The following SUGCT variants were observed in gnomAD, a reference collection of about 807,000 sequenced individuals.
SUGCT encodes the protein succinyl-CoA:glutarate CoA-transferase.
In SUGCT, 41 loss-of-function variants were observed where a neutral mutation model predicts 55.0. The ratio of observed to expected loss-of-function variants is 0.74; its 90% confidence interval spans 0.58 to 0.97. The LOEUF is 0.97. SUGCT is among the 50% of genes least tolerant of loss of function. The probability of loss-of-function intolerance (pLI) is 0.00; values close to 1 mark genes in which losing one functional copy is unlikely to be tolerated. For synonymous variants in SUGCT, 187 were observed against 200.4 expected, an observed-to-expected ratio of 0.93 and a Z score of 0.56; for missense variants, 568 against 547.8, an observed-to-expected ratio of 1.04 and a Z score of -0.37.
the SUGCT span, among the ~76,000 whole-genome samples, chr7:40,999,271 A>T: frequency 4.3e-4 from 65 of 152,052 alleles, no homozygotes; most frequent in African/African-American, 1.5e-3. Flanking sequence ...AAGCAAGACC[A>T]ACCATCACTG....
At chr7:40,255,680 A>G (rs1005324734) in intron 7 of SUGCT, among the ~76,000 whole-genome samples, 1 of 151,324 alleles carries the variant, frequency 6.6e-6, no homozygotes, top group African/African-American at 2.4e-5. Flanking sequence ...AAAAAAAAAA[A>G]AAAAAAAGAA....
At chr7:40,766,252 C>G (rs778718817) in intron 13 of SUGCT, among the ~76,000 whole-genome samples, 2 of 152,154 alleles carry the variant, frequency 1.3e-5, no homozygotes, top group Non-Finnish European at 2.9e-5. Flanking sequence ...ACACTGTTGT[C>G]CCAGCTGGAG....
intron 13 of SUGCT, among the ~76,000 whole-genome samples, chr7:40,792,411 T>C (rs1176382717): frequency 6.6e-6 from 1 of 152,174 alleles, no homozygotes; most frequent in Non-Finnish European, 1.5e-5. Context: ...TCAAAAGCCC[T>C]ACATTTTCTG....
chr7:40,215,055 T>A (rs1370680364), intron 6 of SUGCT, among the ~76,000 whole-genome samples: 1 of 152,032 alleles, frequency 6.6e-6, no homozygotes, highest in Non-Finnish European at 1.5e-5. Context: ...TGAGAAAGAC[T>A]CCCAGAGTTT....
At chr7:41,009,209 A>G in the SUGCT span, among the ~76,000 whole-genome samples, 1 of 40,164 alleles carries the variant, frequency 2.5e-5, no homozygotes, top group South Asian at 1.6e-3. Flanking sequence ...GTCTCTCTCT[A>G]AAAAAAAAAA....
intron 7 of SUGCT, among the ~76,000 whole-genome samples, chr7:40,266,568 T>C (rs79595363): frequency 0.016 from 2,428 of 151,858 alleles, 55 homozygotes; most frequent in African/African-American, 0.057. Flanking sequence ...TAAGAAATTA[T>C]CATTGATAAT....
At chr7:40,926,916 C>G in the SUGCT span, among the ~76,000 whole-genome samples, 4 of 152,144 alleles carry the variant, frequency 2.6e-5, no homozygotes, top group East Asian at 7.7e-4. Context: ...GAGGTAAATT[C>G]CAAGTTGTGA....
chr7:40,588,277 A>G (rs1430587016), intron 12 of SUGCT, among the ~76,000 whole-genome samples: 1 of 150,446 alleles, frequency 6.6e-6, no homozygotes, highest in Non-Finnish European at 1.5e-5. Flanking sequence ...ACATGTGCAC[A>G]TTGTGCAGGT....
chr7:40,664,230 C>T (rs1434470069), intron 12 of SUGCT, among the ~76,000 whole-genome samples: 26 of 152,142 alleles, frequency 1.7e-4, no homozygotes, highest in Admixed American at 1.6e-3. Flanking sequence ...CCTGGCAAAC[C>T]AATGTAACAC....
intron 9 of SUGCT, among the ~76,000 whole-genome samples, chr7:40,378,105 G>A (rs890973849): frequency 2.5e-5 from 2 of 79,228 alleles, no homozygotes; most frequent in African/African-American, 4.1e-5. Context: ...CTTCTTTGAT[G>A]TGTAGGATAT....
the SUGCT span, among the ~76,000 whole-genome samples, chr7:40,868,267 A>T: frequency 6.6e-6 from 1 of 152,114 alleles, no homozygotes. Context: ...TACATGTGCC[A>T]TGTTGGTTTG....
intron 12 of SUGCT, among the ~76,000 whole-genome samples, chr7:40,603,351 A>C (rs533677537): frequency 2.6e-5 from 4 of 152,314 alleles, no homozygotes; most frequent in Admixed American, 1.3e-4. Flanking sequence ...CCATAAACCC[A>C]ATAAAAAAGA....
chr7:40,914,211 C>CA, the SUGCT span, among the ~76,000 whole-genome samples: 2 of 151,514 alleles, frequency 1.3e-5, no homozygotes, highest in African/African-American at 2.4e-5. Context: ...ACACATCACT[C>CA]AAAGTCCAAT....
At chr7:40,391,634 A>G (rs1284506146) in intron 9 of SUGCT, among the ~76,000 whole-genome samples, 1 of 152,072 alleles carries the variant, frequency 6.6e-6, no homozygotes, top group East Asian at 1.9e-4. Context: ...TCAGGAAACA[A>G]CAGGTGCTGG....
intron 13 of SUGCT, among the ~76,000 whole-genome samples, chr7:40,777,233 A>G (rs1460706122): frequency 2.0e-5 from 3 of 152,148 alleles, no homozygotes; most frequent in East Asian, 1.9e-4. Flanking sequence ...CCCAGATATT[A>G]GTTTCTAGGT....
chr7:40,659,997 C>T (rs536161676), intron 12 of SUGCT, among the ~76,000 whole-genome samples: 23 of 152,212 alleles, frequency 1.5e-4, no homozygotes, highest in Middle Eastern at 3.4e-3. Flanking sequence ...TTTTTGAAGA[C>T]GTCTCCAACT....
At chr7:40,850,519 C>T (rs980685645) in intron 13 of SUGCT, among the ~76,000 whole-genome samples, 9 of 152,264 alleles carry the variant, frequency 5.9e-5, no homozygotes, top group South Asian at 2.1e-4. Context: ...TTCTGGTACA[C>T]GTCCTGATGC....
At chr7:40,763,298 G>A (rs1189208846) in intron 13 of SUGCT, among the ~76,000 whole-genome samples, 1 of 152,094 alleles carries the variant, frequency 6.6e-6, no homozygotes, top group African/African-American at 2.4e-5. Context: ...TCGGGGTGTG[G>A]CATTAGAATC....
the SUGCT span, among the ~76,000 whole-genome samples, chr7:40,938,506 T>C: frequency 2.0e-5 from 3 of 152,156 alleles, no homozygotes; most frequent in Non-Finnish European, 4.4e-5. Flanking sequence ...TAAAGATACA[T>C]TTTCTATTTC....
Sources: gnomAD v4.1 joint callset for allele counts (sites outside exome capture counted in the v4.1 genomes callset) on GRCh38, gnomAD v4.1.1 for gene constraint, MANE v1.5 for transcripts, NCBI Gene and HGNC (gene_info 2026-07-23, HGNC 2026-07-21) for gene names.